The following CDKL4 variants were observed in gnomAD, a reference collection of about 807,000 sequenced individuals.
CDKL4 encodes the protein cyclin dependent kinase like 4.
Under a neutral mutation model 42.0 loss-of-function variants are expected in CDKL4, and 44 were observed. The ratio of observed to expected loss-of-function variants is 1.05; its 90% confidence interval spans 0.82 to 1.35. CDKL4 has a LOEUF of 1.35. CDKL4 is among the 40% of genes most tolerant of loss of function. The pLI is 0.00. For missense variants in CDKL4, 393 were observed against 369.9 expected (o/e 1.06, Z -0.51); for synonymous variants, 120 against 121.6 (o/e 0.99, Z 0.09).
At position 39,201,581 on chromosome 2, in the gene CDKL4, A is replaced by G. The variant is rs142051381; in HGVS notation, c.454+2946T>C. Among the ~76,000 whole-genome samples the G allele has an allele frequency of 5.3e-3, 813 of 152,320 alleles. 51 individuals are homozygous for G. In the East Asian group the frequency reaches 0.13, roughly 24 times the overall value. On this transcript the variant is annotated intron_variant, in intron 5 of 9. Coordinates refer to ENST00000451199, the Ensembl canonical transcript of CDKL4. Reference sequence around the variant, plus strand: ...ATGGAACCAGCCCAAATGTCCATCAATCAACAAGTAGATAAAGAAAATGTG... The same window carrying G: ...ATGGAACCAGCCCAAATGTCCATCAGTCAACAAGTAGATAAAGAAAATGTG...
At chr2:39,205,738 C>A (rs2148336157) in intron 4 of CDKL4, among the ~76,000 whole-genome samples, 1 of 116,650 alleles carries the variant, frequency 8.6e-6, no homozygotes, top group African/African-American at 3.3e-5. Flanking sequence ...CCAGCCTGGA[C>A]GACGGAGCGA....
intron 5 of CDKL4, among the ~76,000 whole-genome samples, chr2:39,197,958 A>G (rs1572968599): frequency 6.6e-6 from 1 of 152,302 alleles, no homozygotes; most frequent in Admixed American, 6.5e-5. Context: ...TCAGGTAACA[A>G]GTAGCATGAT....
intron 5 of CDKL4, among the ~76,000 whole-genome samples, chr2:39,204,279 T>C (rs1325546863): frequency 2.6e-5 from 4 of 152,236 alleles, no homozygotes; most frequent in Non-Finnish European, 4.4e-5. Flanking sequence ...AGAACAGAAA[T>C]GCTTTTAGAA....
At chr2:39,198,363 A>C (rs969321082) in intron 5 of CDKL4, among the ~76,000 whole-genome samples, 1 of 152,168 alleles carries the variant, frequency 6.6e-6, no homozygotes, top group African/African-American at 2.4e-5. Flanking sequence ...TATTAGACCT[A>C]AGAAATGAGA....
chr2:39,184,475 T>A, intron 8 of CDKL4, 116 bp downstream of exon 8: 1 of 645,600 alleles, frequency 1.5e-6, no homozygotes, highest in Non-Finnish European at 2.7e-6. Context: ...TTTATCATTT[T>A]CAATGACTAC....
At chr2:39,232,817 G>A (rs1019414971) in intron 1 of CDKL4, among the ~76,000 whole-genome samples, 1 of 151,920 alleles carries the variant, frequency 6.6e-6, no homozygotes, top group Admixed American at 6.6e-5. Flanking sequence ...AGGCTGAGGC[G>A]GGCGGATCAC....
chr2:39,170,826 TA>T (rs1162975499), downstream of CDKL4, among the ~76,000 whole-genome samples: 6 of 151,860 alleles, frequency 4.0e-5, no homozygotes, highest in East Asian at 1.9e-4. Context: ...AGTTTTTAAT[TA>T]AAAAAAAATT....
At chr2:39,243,938 CG>C (rs1679794634) in exon 1 of CDKL4, among the ~76,000 whole-genome samples, 1 of 152,218 alleles carries the variant, frequency 6.6e-6, no homozygotes, top group Non-Finnish European at 1.5e-5. Flanking sequence ...AGCTCCCGCG[CG>C]TGTCGCTCGG....
chr2:39,241,013 T>C (rs1679632286), intron 1 of CDKL4, among the ~76,000 whole-genome samples: 1 of 152,168 alleles, frequency 6.6e-6, no homozygotes, highest in East Asian at 1.9e-4. Flanking sequence ...AAAAACAAAA[T>C]GCGACGTGTG....
intron 5 of CDKL4, among the ~76,000 whole-genome samples, chr2:39,196,961 A>T: frequency 6.6e-6 from 1 of 152,190 alleles, no homozygotes; most frequent in Non-Finnish European, 1.5e-5. Flanking sequence ...CCAGCAATGG[A>T]TCCAAGCCAG....
intron 3 of CDKL4, among the ~76,000 whole-genome samples, chr2:39,214,720 G>T (rs1677809016): frequency 6.6e-6 from 1 of 152,154 alleles, no homozygotes; most frequent in Non-Finnish European, 1.5e-5. Context: ...TCTAATTCAT[G>T]GTGGTAGACA....
At chr2:39,185,307 TGTATATATACATATATATACACATATG>T in intron 7 of CDKL4, among the ~76,000 whole-genome samples, 1 of 30,000 alleles carries the variant, frequency 3.3e-5, no homozygotes, top group Non-Finnish European at 9.3e-5. Context: ...TATACACATA[TGTATATATACATATATATACACATATG>T]TATATATATA....
At chr2:39,185,376 A>G (rs1183722141) in intron 7 of CDKL4, among the ~76,000 whole-genome samples, 12 of 58,588 alleles carry the variant, frequency 2.0e-4, no homozygotes, top group Non-Finnish European at 4.0e-4. Context: ...ATATATACAT[A>G]TGTATATATA....
chr2:39,223,955 CT>C (rs1159397796), intron 3 of CDKL4, among the ~76,000 whole-genome samples: 1 of 152,094 alleles, frequency 6.6e-6, no homozygotes, highest in Non-Finnish European at 1.5e-5. Context: ...GGTGAGGCTC[CT>C]TTTCTGTGTG....
intron 1 of CDKL4, among the ~76,000 whole-genome samples, chr2:39,237,441 T>C (rs374255099): frequency 3.3e-5 from 5 of 152,252 alleles, no homozygotes; most frequent in East Asian, 3.8e-4. Flanking sequence ...AAAGATTGAA[T>C]GTGTTACCCC....
At chr2:39,208,280 G>A (rs757526779) in intron 4 of CDKL4, among the ~76,000 whole-genome samples, 53 of 151,628 alleles carry the variant, frequency 3.5e-4, no homozygotes, top group Non-Finnish European at 6.8e-4. Context: ...ATTTTCCCTC[G>A]AAGAACAAGA....
intron 3 of CDKL4, among the ~76,000 whole-genome samples, chr2:39,214,656 G>C (rs115406342): frequency 0.025 from 3,784 of 152,314 alleles, 55 homozygotes; most frequent in African/African-American, 0.028. Flanking sequence ...AGGTAGACCG[G>C]AGACTTGGTT....
intron 5 of CDKL4, among the ~76,000 whole-genome samples, chr2:39,203,926 C>T (rs202217533): frequency 6.6e-6 from 1 of 152,146 alleles, no homozygotes; most frequent in Non-Finnish European, 1.5e-5. Context: ...ATCAGGATAC[C>T]GATTATGTCC....
In CDKL4 at chr2:39,225,314, A is replaced by G. The variant is rs571263213; in HGVS notation, c.290+525T>C. ...ACTCGGGAGGCAGAGGCAGAGGCAGAGAACTGCTTGAACCCAGGAGGTGGA... is the reference window on the plus strand; with the variant it reads ...ACTCGGGAGGCAGAGGCAGAGGCAGGGAACTGCTTGAACCCAGGAGGTGGA... On this transcript the variant is annotated intron_variant, in intron 3 of 9. Transcript: ENST00000451199. 2.0e-5 allele frequency among the ~76,000 whole-genome samples: 3 copies of G among 152,030 alleles called. No homozygotes were observed. The South Asian group carries it at 6.2e-4, about 32-fold the overall frequency.
Sources: allele counts gnomAD v4.1 joint callset (sites outside exome capture counted in the v4.1 genomes callset), GRCh38; gene constraint gnomAD v4.1.1; transcripts MANE v1.5; gene names NCBI Gene and HGNC (gene_info 2026-07-23, HGNC 2026-07-21).